The following ABRA variants were observed in gnomAD, a reference collection of about 807,000 sequenced individuals.
ABRA encodes the protein actin binding Rho activating protein.
A neutral mutation model predicts 33.4 loss-of-function variants in ABRA; 25 were observed. The observed-to-expected ratio is 0.75, with a 90% confidence interval of 0.55 to 1.04. The LOEUF (loss-of-function observed/expected upper bound fraction) is 1.04. Among genes scored for constraint, ABRA ranks in the 50% least tolerant of loss-of-function variants. The pLI, the probability that ABRA is intolerant of heterozygous loss-of-function variation, is 0.00. For synonymous variants in ABRA, 193 were observed against 176.8 expected (o/e 1.09, Z -0.73); for missense variants, 501 against 491.7 (o/e 1.02, Z -0.18).
At chr8:106,761,593 C>T in intron 1 of ABRA, 79 bp from the exon 2 acceptor site, 1 of 1,114,224 alleles carries the variant, frequency 9.0e-7, no homozygotes, top group South Asian at 1.6e-5. Context: ...ACTTCCCACA[C>T]ATATGCATCT....
chr8:106,761,237 T>G lies in ABRA; in HGVS notation c.946A>C (p.Ile316Leu). 5 of 1,614,242 alleles carry G rather than the reference T, an allele frequency of 3.1e-6. No individual in the cohort carries two copies. The highest frequency in any genetic ancestry group is 1.1e-5 in the South Asian group (1 of 91,088). The change falls in exon 2 of 2, where the codon ATT (isoleucine) becomes CTT (leucine). Residue 316 changes from isoleucine to leucine, a missense_variant. By Grantham distance (5) the Ile-to-Leu change is conservative. Transcript: ENST00000311955. ...CTGTGGCGAGCCATTGTGCAGATAA[T>G]GAAGCACATGTCCATCATTTCCCTG... is the stretch of plus-strand genomic sequence containing the variant. ...IYREMMDMCF[I>L]ICTMARHRRD...
In ABRA at chr8:106,769,842, T is replaced by G; in HGVS notation, c.349A>C (p.Thr117Pro). The G allele has an allele frequency of 6.2e-7, 1 of 1,614,018 alleles. No homozygotes were observed. The highest frequency in any genetic ancestry group is 1.1e-5 in the South Asian group (1 of 91,076). The change falls in exon 1 of 2, where the codon ACT (threonine) becomes CCT (proline). Residue 117 changes from threonine to proline, a missense_variant. Physicochemically the swap from Thr to Pro is conservative, Grantham distance 38. Transcript: ENST00000311955. ...KEVSKTVVSK[T>P]YERGGDVSHL... ...CTCACGTCCCCTCCTCTCTCATAAG[T>G]CTTGCTGACCACCGTTTTGGACACC...
chr8:106,762,794 A>G (rs144136883), intron 1 of ABRA, among the ~76,000 whole-genome samples: 1,887 of 152,286 alleles, frequency 0.012, 18 homozygotes, highest in Non-Finnish European at 0.017. Context: ...TGCACATCCT[A>G]TCCTGCACGT....
At chr8:106,763,213 T>C (rs1032301178) in intron 1 of ABRA, among the ~76,000 whole-genome samples, 1 of 152,196 alleles carries the variant, frequency 6.6e-6, no homozygotes, top group South Asian at 2.1e-4. Flanking sequence ...TAACATTGTT[T>C]TCAAAAAAGA....
chr8:106,761,691 C>T (rs534797047), intron 1 of ABRA, among the ~76,000 whole-genome samples, 177 bp from the exon 2 acceptor site: 1 of 152,138 alleles, frequency 6.6e-6, no homozygotes, highest in South Asian at 2.1e-4. Flanking sequence ...ATAGTCCCAC[C>T]GTTGTTCTTA....
In ABRA at chr8:106,760,028, A is replaced by G. The variant is rs530963033; in HGVS notation, c.*1009T>C. The G allele has an allele frequency of 2.6e-5, 4 of 152,316 alleles. No individual in the cohort carries two copies. Among genetic ancestry groups the G allele is most frequent in the African/African-American group, 4.8e-5 (2 of 41,570 alleles). The allele number at this position is 152,316 out of a possible 1,614,324, so 9.4% of individuals were successfully genotyped here. On this transcript the variant is annotated 3_prime_UTR_variant, in exon 2 of 2. Coordinates refer to ENST00000311955, the MANE Select transcript of ABRA (RefSeq NM_139166.5). ...TCTCAAATCTGTTTTTAATTCACCA[A>G]TGATTCTATGGGATTTTTCTAATAC... is the stretch of plus-strand genomic sequence containing the variant.
At chr8:106,762,777 AC>A (rs1836156493) in intron 1 of ABRA, among the ~76,000 whole-genome samples, 1 of 152,196 alleles carries the variant, frequency 6.6e-6, no homozygotes. Flanking sequence ...TTTCTATGCA[AC>A]AAACTTGCAC....
At chr8:106,764,131 T>C (rs1296021907) in intron 1 of ABRA, among the ~76,000 whole-genome samples, 2 of 152,204 alleles carry the variant, frequency 1.3e-5, no homozygotes, top group Non-Finnish European at 2.9e-5. Context: ...AAAATTCTCT[T>C]ATATGTTGGT....
Position 106,760,550 on chromosome 8 carries a change from TATCTC to T in ABRA, c.*482_*486del, listed in dbSNP as rs112152718. The T allele has an allele frequency of 0.13, 19,782 of 152,966 alleles. 1,642 individuals carry two copies. The highest frequency in any genetic ancestry group is 0.23 in the African/African-American group (9,587 of 41,478). 9.5% of individuals were successfully genotyped at this position (152,966 alleles called of 1,614,324 possible). A position where few individuals can be genotyped will look rare whatever the true frequency, so the allele number is the denominator to read the frequency against. On this transcript the variant is annotated 3_prime_UTR_variant, in exon 2 of 2. Transcript: ENST00000311955. ...CATTATTATATGTTCTACTGATATT[TATCTC>T]AAGTCAGCATTCTTCTTAGATGTAA...
In ABRA at chr8:106,769,908, A is replaced by G. The variant is rs753859219; in HGVS notation, c.283T>C (p.Ser95Pro). 1 of 1,613,876 alleles carries G rather than the reference A, an allele frequency of 6.2e-7. No homozygotes were observed. The highest frequency in any genetic ancestry group is 8.5e-7 in the Non-Finnish European group (1 of 1,179,988). The change falls in exon 1 of 2, where the codon TCA (serine) becomes CCA (proline). Residue 95 changes from serine (S) to proline (P), a missense_variant. Transcript: ENST00000311955. ...LPEGHGDGQS[S>P]EKAPEVSHIK... ...TGAGAAACCTCAGGGGCTTTCTCTGAGCTTTGTCCATCTCCATGTCCTTCT... is the reference window on the plus strand; with the variant it reads ...TGAGAAACCTCAGGGGCTTTCTCTGGGCTTTGTCCATCTCCATGTCCTTCT...
intron 1 of ABRA, among the ~76,000 whole-genome samples, chr8:106,767,502 C>T (rs1025018208): frequency 7.9e-5 from 12 of 152,220 alleles, no homozygotes; most frequent in African/African-American, 2.9e-4. Flanking sequence ...CAAGACACTG[C>T]ATGAAGGTTG....
chr8:106,761,045 G>T lies in ABRA; in HGVS notation c.1138C>A (p.Leu380Ile), dbSNP rs1836128417. ...GRDDHVVITL[L>I]K ...CTTTTGTTTTTGAAGGTTCACTTGA[G>T]TAGCGTAATCACAACATGGTCATCT... The change falls in exon 2 of 2, where the codon CTC (leucine) becomes ATC (isoleucine). Residue 380 changes from leucine (L) to isoleucine (I), a missense_variant. By Grantham distance (5) the Leu-to-Ile change is conservative. Transcript: ENST00000311955. The T allele has an allele frequency of 1.2e-6, 2 of 1,612,060 alleles. No homozygotes were observed. Among genetic ancestry groups the T allele is most frequent in the East Asian group, 4.5e-5 (2 of 44,814 alleles).
rs915909911 is a variant in ABRA, at chr8:106,769,614, C to T, written c.577G>A (p.Asp193Asn). 6.2e-7 allele frequency: 1 copy of T among 1,614,220 alleles called. No individual in the cohort carries two copies. Among genetic ancestry groups the T allele is most frequent in the Non-Finnish European group, 8.5e-7 (1 of 1,180,042 alleles). The change falls in exon 1 of 2, where the codon GAC becomes AAC. Residue 193 changes from aspartate (D) to asparagine (N), a missense_variant. By Grantham distance (23) the Asp-to-Asn change is conservative. Coordinates refer to ENST00000311955, the MANE Select transcript of ABRA (RefSeq NM_139166.5). ...TWRSDSVDTEDSGYGGEAEER... is the reference protein window; with the variant it reads ...TWRSDSVDTENSGYGGEAEER... ...TCAGCCTCTCCTCCATAGCCGCTGT[C>T]CTCTGTGTCTACGCTGTCACTCCTC...
intron 1 of ABRA, among the ~76,000 whole-genome samples, chr8:106,766,255 T>A (rs1483490590): frequency 2.0e-5 from 3 of 152,192 alleles, no homozygotes; most frequent in African/African-American, 4.8e-5. Flanking sequence ...ATATGAACCA[T>A]TTTCATAGTA....
chr8:106,765,431 G>A lies in ABRA; in HGVS notation c.669-3917C>T, dbSNP rs756348653. ...CACTGCCAACTCCATAGATCTTCCT[G>A]TAGAGGGAGTATTTCTCCTCCTCAT... On this transcript the variant is annotated intron_variant, in intron 1 of 1. Transcript: ENST00000311955. Among the ~76,000 whole-genome samples the A allele has an allele frequency of 3.9e-5, 6 of 152,278 alleles. No individual in the cohort carries two copies. In the East Asian group the frequency reaches 1.2e-3, roughly 29 times the overall value.
At chr8:106,769,300 C>T (rs1810558179) in intron 1 of ABRA, among the ~76,000 whole-genome samples, 1 of 152,152 alleles carries the variant, frequency 6.6e-6, no homozygotes, top group Non-Finnish European at 1.5e-5. Flanking sequence ...AAAACAAAAA[C>T]GAGAAACAAA....
At position 106,769,655 on chromosome 8, in the gene ABRA, T is replaced by C; in HGVS notation, c.536A>G (p.Gln179Arg). 6.2e-7 allele frequency: 1 copy of C among 1,614,198 alleles called. No homozygotes were observed. The highest frequency in any genetic ancestry group is 8.5e-7 in the Non-Finnish European group (1 of 1,180,040). The change falls in exon 1 of 2, where the codon CAG becomes CGG. Residue 179 changes from glutamine (Q) to arginine (R), a missense_variant. Gln to Arg is a conservative substitution (Grantham distance 43). Transcript: ENST00000311955. ...GTCACTCCTCCATGTGGGCTCCTCC[T>C]GCTCCATCACTCTCCAGCCCTTGGT... ...ELTKGWRVMEQEEPTWRSDSV... is the reference protein window; with the variant it reads ...ELTKGWRVMEREEPTWRSDSV...
intron 1 of ABRA, among the ~76,000 whole-genome samples, chr8:106,767,756 G>A (rs1810513015): frequency 1.3e-5 from 2 of 152,186 alleles, no homozygotes; most frequent in African/African-American, 4.8e-5. Context: ...AGAGCTGGCA[G>A]TGTAGTAGTT....
At chr8:106,768,854 C>T (rs549376688) in intron 1 of ABRA, among the ~76,000 whole-genome samples, 1 of 152,154 alleles carries the variant, frequency 6.6e-6, no homozygotes, top group Non-Finnish European at 1.5e-5. Context: ...TCAGGCTGGT[C>T]TCAAACTCCT....
Sources: allele counts gnomAD v4.1 joint callset (sites outside exome capture counted in the v4.1 genomes callset), GRCh38; gene constraint gnomAD v4.1.1; transcripts MANE v1.5; gene names NCBI Gene and HGNC (gene_info 2026-07-23, HGNC 2026-07-21).